MYRIP: variants seen among roughly 807,000 people sequenced by gnomAD.
The protein encoded by MYRIP is rab effector MyRIP.
Under a neutral mutation model 98.0 loss-of-function variants are expected in MYRIP, and 49 were observed. The ratio of observed to expected loss-of-function variants is 0.50; its 90% CI spans 0.40 to 0.63. The LOEUF is 0.63. MYRIP is among the 30% of genes least tolerant of loss of function. The pLI is 0.00. For synonymous variants in MYRIP, 404 were observed against 409.5 expected, an observed-to-expected ratio of 0.99 and a Z score of 0.16; for missense variants, 1,004 against 1,058.2, an observed-to-expected ratio of 0.95 and a Z score of 0.71.
In MYRIP at chr3:40,117,104, C is replaced by T. The variant is rs13433932; in HGVS notation, c.333-33944C>T. Among the ~76,000 whole-genome samples the T allele has an allele frequency of 7.0e-3, 1,059 of 152,310 alleles. 17 individuals are homozygous for T. Among genetic ancestry groups the T allele is most frequent in the African/African-American group, 0.024 (1,010 of 41,572 alleles). On this transcript the variant is annotated intron_variant, in intron 3 of 16. Transcript: ENST00000302541. ...GAGCATCCGGTGAGGCCACATCTGC[C>T]TTTCAATCCCCCCGCCCTGATATTG...
Position 40,218,631 on chromosome 3 carries a change from T to C in MYRIP, c.1905+8538T>C, listed in dbSNP as rs1344443798. Among the ~76,000 whole-genome samples, 22 of 13,916 alleles carry C rather than the reference T, an allele frequency of 1.6e-3. 1 individual carries two copies. In the East Asian group the frequency reaches 0.087, roughly 55 times the overall value. The allele number at this position is 13,916 out of a possible 152,430, so 9.1% of individuals were successfully genotyped here. On this transcript the variant is annotated intron_variant, in intron 11 of 16. Transcript: ENST00000302541. ...TATATTTTATATATATATATATATA[T>C]ATATATATATATATATATATATATA... is the stretch of plus-strand genomic sequence containing the variant.
At chr3:39,947,316 A>G (rs1944925361) in intron 2 of MYRIP, among the ~76,000 whole-genome samples, 1 of 152,140 alleles carries the variant, frequency 6.6e-6, no homozygotes, top group African/African-American at 2.4e-5. Flanking sequence ...ACAAGCAGAA[A>G]TTAACAATTT....
Position 40,098,740 on chromosome 3 carries a change from TTGTGTGTGTGTGTGTGTGTG to T in MYRIP, c.333-52288_333-52269del, listed in dbSNP as rs3063561. ...TGTGTATCTCTCTCTGTCTCTCTCATTGTGTGTGTGTGTGTGTGTGTGTGTGTGTGTGTGTGTGTCTTCTT... is the reference window on the plus strand; with the variant it reads ...TGTGTATCTCTCTCTGTCTCTCTCATTGTGTGTGTGTGTGTGTGTCTTCTT... On this transcript the variant is annotated intron_variant, in intron 3 of 16. Transcript: ENST00000302541. Among the ~76,000 whole-genome samples the T allele has an allele frequency of 4.4e-5, 6 of 135,188 alleles. No homozygotes were observed. In the South Asian group the frequency reaches 1.3e-3, roughly 28 times the overall value. 88.7% of individuals were successfully genotyped at this position (135,188 alleles called of 152,430 possible). A position where few individuals can be genotyped will look rare whatever the true frequency, so the allele number is the denominator to read the frequency against.
intron 2 of MYRIP, among the ~76,000 whole-genome samples, chr3:39,906,560 G>A (rs1248764934): frequency 6.6e-6 from 1 of 152,104 alleles, no homozygotes; most frequent in African/African-American, 2.4e-5. Flanking sequence ...TGCTTTCCCA[G>A]TAATGAAATA....
intron 16 of MYRIP, among the ~76,000 whole-genome samples, chr3:40,254,945 CTTCCTCCCTATCATT>C (rs1175652267): frequency 6.6e-6 from 1 of 152,200 alleles, no homozygotes; most frequent in African/African-American, 2.4e-5. Context: ...CTCCCTTCCT[CTTCCTCCCTATCATT>C]GTCCCTGTCT....
intron 11 of MYRIP, among the ~76,000 whole-genome samples, chr3:40,211,390 C>T (rs1438012521): frequency 1.3e-5 from 2 of 152,138 alleles, no homozygotes; most frequent in African/African-American, 2.4e-5. Context: ...GACCATTACC[C>T]GTGGCTGAGC....
chr3:39,949,818 T>C (rs1321691053), intron 2 of MYRIP, among the ~76,000 whole-genome samples: 1 of 152,168 alleles, frequency 6.6e-6, no homozygotes, highest in African/African-American at 2.4e-5. Context: ...AAAGCACCTG[T>C]GTGCTCTTTT....
intron 2 of MYRIP, among the ~76,000 whole-genome samples, chr3:39,981,819 G>A (rs1302020674): frequency 6.6e-6 from 1 of 152,204 alleles, no homozygotes; most frequent in African/African-American, 2.4e-5. Flanking sequence ...ATCAGCAGAT[G>A]TTTGTGGAGG....
intron 2 of MYRIP, among the ~76,000 whole-genome samples, chr3:40,035,353 A>G (rs1947355189): frequency 6.6e-6 from 1 of 152,106 alleles, no homozygotes; most frequent in Non-Finnish European, 1.5e-5. Context: ...AAGATGAGAA[A>G]CAGATGTGAA....
At chr3:40,129,254 T>A (rs2125916835) in intron 3 of MYRIP, among the ~76,000 whole-genome samples, 1 of 151,290 alleles carries the variant, frequency 6.6e-6, no homozygotes, top group African/African-American at 2.4e-5. Context: ...CTGGCCAACA[T>A]GGTGAAACCC....
At chr3:40,069,895 G>C (rs1948190562) in intron 3 of MYRIP, among the ~76,000 whole-genome samples, 1 of 152,094 alleles carries the variant, frequency 6.6e-6, no homozygotes. Flanking sequence ...CTGGAGGTTG[G>C]GGACCCCTGT....
intron 1 of MYRIP, among the ~76,000 whole-genome samples, chr3:39,881,670 C>T (rs1943158304): frequency 1.3e-5 from 2 of 152,144 alleles, no homozygotes; most frequent in East Asian, 1.9e-4. Context: ...CCAGTCTCTC[C>T]TGAGAGGAAG....
intron 1 of MYRIP, among the ~76,000 whole-genome samples, chr3:39,876,480 C>A (rs1055406650): frequency 6.6e-6 from 1 of 152,004 alleles, no homozygotes; most frequent in East Asian, 1.9e-4. Context: ...TGGTTGGTAC[C>A]GGTTGTTCCT....
chr3:39,950,079 G>C (rs913585418), intron 2 of MYRIP, among the ~76,000 whole-genome samples: 1 of 152,046 alleles, frequency 6.6e-6, no homozygotes, highest in Non-Finnish European at 1.5e-5. Flanking sequence ...TTCTATATAT[G>C]TTCTTAATAG....
chr3:40,247,383 G>C (rs1461558055), intron 13 of MYRIP, among the ~76,000 whole-genome samples: 1 of 151,922 alleles, frequency 6.6e-6, no homozygotes, highest in Non-Finnish European at 1.5e-5. Flanking sequence ...CCACATTATT[G>C]TATTTATTTT....
intron 2 of MYRIP, among the ~76,000 whole-genome samples, chr3:39,949,302 G>A (rs1211448367): frequency 6.6e-6 from 1 of 152,096 alleles, no homozygotes; most frequent in African/African-American, 2.4e-5. Flanking sequence ...TTGCTGAAAT[G>A]GACTCAGTAC....
intron 3 of MYRIP, among the ~76,000 whole-genome samples, chr3:40,047,827 A>G (rs1947702658): frequency 6.6e-6 from 1 of 152,190 alleles, no homozygotes; most frequent in Non-Finnish European, 1.5e-5. Flanking sequence ...CCTGGATCAC[A>G]TTCTTGTTTT....
chr3:40,196,548 A>G (rs1951399588), intron 10 of MYRIP, among the ~76,000 whole-genome samples: 1 of 152,216 alleles, frequency 6.6e-6, no homozygotes. Flanking sequence ...TTTAGTATGC[A>G]TTATGAATAA....
chr3:40,254,817 T>TATCA (rs769890152), intron 16 of MYRIP, among the ~76,000 whole-genome samples: 5 of 152,140 alleles, frequency 3.3e-5, no homozygotes, highest in African/African-American at 4.8e-5. Flanking sequence ...CATAGAAAAT[T>TATCA]ATCATCTAAC....
Sources: allele counts gnomAD v4.1 joint callset (sites outside exome capture counted in the v4.1 genomes callset), GRCh38; gene constraint gnomAD v4.1.1; transcripts MANE v1.5; gene names NCBI Gene and HGNC (gene_info 2026-07-23, HGNC 2026-07-21).